The following PATL2 variants were observed in gnomAD, a reference collection of about 807,000 sequenced individuals.
PATL2 encodes the protein PAT1 homolog 2.
A neutral mutation model predicts 77.0 loss-of-function variants in PATL2; 73 were observed. That is an observed-to-expected ratio of 0.95 (90% CI 0.78 to 1.15). PATL2 has a LOEUF of 1.15. Among genes scored for constraint, PATL2 ranks in the 50% most tolerant of loss-of-function variants. PATL2 has a pLI of 0.00. For missense variants in PATL2, 618 were observed against 655.4 expected, an observed-to-expected ratio of 0.94 and a Z score of 0.62; for synonymous variants, 265 against 257.1, an observed-to-expected ratio of 1.03 and a Z score of -0.29.
intron 3 of PATL2, among the ~76,000 whole-genome samples, chr15:44,700,333 A>C (rs1005388692): frequency 6.6e-6 from 1 of 152,020 alleles, no homozygotes; most frequent in East Asian, 1.9e-4. Context: ...ATGGAGCCTC[A>C]CTTTGTCACC....
intron 3 of PATL2, among the ~76,000 whole-genome samples, chr15:44,709,057 C>T (rs1016292696): frequency 1.3e-5 from 2 of 152,046 alleles, no homozygotes; most frequent in Non-Finnish European, 2.9e-5. Context: ...TGCCACCATG[C>T]CTAGCTAATT....
At chr15:44,666,894 T>G in intron 16 of PATL2, 1 of 524,444 alleles carries the variant, frequency 1.9e-6, no homozygotes, top group South Asian at 2.9e-5. Context: ...CTAAAGCTTG[T>G]CCCCTTAGGT....
In PATL2 at chr15:44,670,026, C is replaced by T. The variant is rs146795158; in HGVS notation, c.719G>A (p.Arg240Gln). ...CGTTACCAGCTTGAGGGACTCAACC[C>T]GGTTTCTTCGTCCAAGTAGCTCTTC... The part of the protein sequence containing the change: ...ADEELLGRRN[R>Q]VESLKLVTPY... The change falls in exon 10 of 18, where the codon CGG becomes CAG. Residue 240 changes from arginine (R) to glutamine (Q), a missense_variant. Arg to Gln is a conservative substitution (Grantham distance 43, BLOSUM62 1). Coordinates refer to ENST00000682850, the MANE Select transcript of PATL2 (RefSeq NM_001387263.1). The T allele has an allele frequency of 2.5e-3, 3,838 of 1,550,994 alleles. 63 individuals are homozygous for T. The African/African-American group carries it at 0.035, about 14-fold the overall frequency.
In PATL2 at chr15:44,667,138, G is replaced by A; in HGVS notation, c.1431C>T (p.Ser477=). 2 of 1,551,594 alleles carry A rather than the reference G, an allele frequency of 1.3e-6. No individual in the cohort carries two copies. Among genetic ancestry groups the A allele is most frequent in the Admixed American group, 2.0e-5 (1 of 50,986 alleles). The change falls in exon 16 of 18, where the codon TCC becomes TCT. Residue 477 remains serine, a synonymous_variant. Coordinates refer to ENST00000682850, the MANE Select transcript of PATL2 (RefSeq NM_001387263.1). Reference sequence around the variant, plus strand: ...TATGGTCACTGTTGGGTTCCTCTAGGGAAGAATGCAGCGATACCAGTTGCT... The same window carrying A: ...TATGGTCACTGTTGGGTTCCTCTAGAGAAGAATGCAGCGATACCAGTTGCT... ...HGEQLVSLHS[S]LEEPNSDHTA...
intron 3 of PATL2, among the ~76,000 whole-genome samples, chr15:44,680,383 C>T (rs940662983): frequency 6.6e-6 from 1 of 152,194 alleles, no homozygotes. Flanking sequence ...CATCTCTACT[C>T]TCAGCAGTCA....
At position 44,667,404 on chromosome 15, in the gene PATL2, T is replaced by G. The variant is rs2085432050; in HGVS notation, c.1366-201A>C. ...TCCATAGGAATCACTGCTCTGAACT[T>G]TTCCAAAAGACACTCTTGGAGAGCT... On this transcript the variant is annotated intron_variant, in intron 15 of 17. Transcript: ENST00000682850. 3 of 541,556 alleles carry G rather than the reference T, an allele frequency of 5.5e-6. No homozygotes were observed. In the South Asian group the frequency reaches 6.6e-5, roughly 12 times the overall value. The allele number at this position is 541,556 out of a possible 1,614,324, so 33.5% of individuals were successfully genotyped here.
chr15:44,684,506 G>C (rs118148899), intron 3 of PATL2, among the ~76,000 whole-genome samples: 4 of 151,284 alleles, frequency 2.6e-5, no homozygotes, highest in Non-Finnish European at 5.9e-5. Context: ...GGCGATTGAA[G>C]ATCAGCTTAA....
intron 3 of PATL2, among the ~76,000 whole-genome samples, chr15:44,704,530 T>C (rs1397701501): frequency 6.6e-6 from 1 of 152,176 alleles, no homozygotes; most frequent in Non-Finnish European, 1.5e-5. Context: ...TAATTCTTTG[T>C]TGTTTGTGTT....
chr15:44,676,841 G>C, intron 3 of PATL2: 12 of 1,116,332 alleles, frequency 1.1e-5, no homozygotes, highest in Non-Finnish European at 1.3e-5. Flanking sequence ...TCCGAGTGTG[G>C]TGATGCCTTG....
chr15:44,689,567 T>C (rs1374067270), intron 3 of PATL2, among the ~76,000 whole-genome samples: 1 of 151,474 alleles, frequency 6.6e-6, no homozygotes, highest in Non-Finnish European at 1.5e-5. Context: ...TGCAGGGACA[T>C]GGATGAAGCT....
intron 3 of PATL2, among the ~76,000 whole-genome samples, chr15:44,695,815 T>C (rs1490150223): frequency 6.6e-6 from 1 of 152,226 alleles, no homozygotes; most frequent in Non-Finnish European, 1.5e-5. Context: ...TTGTGCTGTT[T>C]ATTTTGTTTT....
At chr15:44,688,287 A>T (rs903136358) in intron 3 of PATL2, among the ~76,000 whole-genome samples, 14 of 151,792 alleles carry the variant, frequency 9.2e-5, no homozygotes, top group East Asian at 1.9e-4. Context: ...ATAATAATAA[A>T]AAAAATGCTA....
At chr15:44,690,426 C>A (rs1234257655) in intron 3 of PATL2, among the ~76,000 whole-genome samples, 1 of 151,708 alleles carries the variant, frequency 6.6e-6, no homozygotes, top group Non-Finnish European at 1.5e-5. Context: ...GCAGCCTCCA[C>A]CTCCTGGGCT....
intron 4 of PATL2, 58 bp from the exon 5 acceptor site, chr15:44,675,749 T>G (rs527784558): frequency 3.5e-6 from 5 of 1,424,766 alleles, no homozygotes; most frequent in Non-Finnish European, 4.7e-6. Context: ...GTGAGTCTTG[T>G]CTAGAGAGGC....
chr15:44,672,017 GGTAATAGTA>G lies in PATL2; in HGVS notation c.646_654del (p.Tyr216_Tyr218del), dbSNP rs2085707134. Reference sequence around the variant, plus strand: ...GGGCTGAGTACTGCGGGGCTCACCTGGTAATAGTAGTCATCCAGGCGGGGTTTTGCACTC... The same window carrying G: ...GGGCTGAGTACTGCGGGGCTCACCTGGTCATCCAGGCGGGGTTTTGCACTC... On this transcript the variant is annotated inframe_deletion, in exon 9 of 18. Transcript: ENST00000682850. 1 of 1,551,714 alleles carries G rather than the reference GGTAATAGTA, an allele frequency of 6.4e-7. No individual in the cohort carries two copies. The highest frequency in any genetic ancestry group is 2.4e-5 in the East Asian group (1 of 40,926).
intron 3 of PATL2, among the ~76,000 whole-genome samples, chr15:44,695,688 T>A (rs2086488770): frequency 6.6e-6 from 1 of 152,176 alleles, no homozygotes; most frequent in South Asian, 2.1e-4. Context: ...CTATTAAGCC[T>A]CCACTCCTAA....
rs2085521961 is a variant in PATL2 at position 44,668,971 on chromosome 15, C to T, written c.1224+9G>A. Reference sequence around the variant, plus strand: ...AGACCATCCTCTTCTCCACTCAATGCCACAGTACCTGATCAGCCACATCCC... The same window carrying T: ...AGACCATCCTCTTCTCCACTCAATGTCACAGTACCTGATCAGCCACATCCC... On this transcript the variant is annotated intron_variant, in intron 14 of 17. Transcript: ENST00000682850. The T allele has an allele frequency of 6.5e-7, 1 of 1,530,012 alleles. No homozygotes were observed. The highest frequency in any genetic ancestry group is 8.8e-7 in the Non-Finnish European group (1 of 1,134,458). 94.8% of individuals were successfully genotyped at this position (1,530,012 alleles called of 1,614,324 possible).
At chr15:44,683,706 G>A (rs1246971780) in intron 3 of PATL2, among the ~76,000 whole-genome samples, 2 of 152,234 alleles carry the variant, frequency 1.3e-5, no homozygotes, top group African/African-American at 4.8e-5. Flanking sequence ...TGACTCTGAA[G>A]AGAGCAGCGG....
Position 44,688,260 on chromosome 15 carries a change from A to AAAT in PATL2, c.-75-11696_-75-11695insATT, listed in dbSNP as rs1555388740. On this transcript the variant is annotated intron_variant, in intron 3 of 17. Transcript: ENST00000682850. ...GACTCTGTCTCAAAAAAAAAAAAAA[A>AAAT]AACTAGCTAAATAATAATAATAATA... Among the ~76,000 whole-genome samples, 345 of 150,348 alleles carry AAAT rather than the reference A, an allele frequency of 2.3e-3. 3 individuals are homozygous for AAAT. Among genetic ancestry groups the AAAT allele is most frequent in the African/African-American group, 8.0e-3 (324 of 40,378 alleles).
Sources: allele counts gnomAD v4.1 joint callset (sites outside exome capture counted in the v4.1 genomes callset), GRCh38; gene constraint gnomAD v4.1.1; transcripts MANE v1.5; gene names NCBI Gene and HGNC (gene_info 2026-07-23, HGNC 2026-07-21).